The following GRM5 variants were observed in gnomAD, a reference collection of about 807,000 sequenced individuals.
The protein encoded by GRM5 is glutamate metabotropic receptor 5.
In GRM5, 19 loss-of-function variants were observed where a neutral mutation model predicts 83.1. The observed-to-expected ratio is 0.23, with a 90% CI of 0.16 to 0.34. GRM5 has a LOEUF of 0.34. Ranked by LOEUF, GRM5 falls within the 10% of genes least tolerant of loss-of-function variation. The pLI, the probability that GRM5 is intolerant of heterozygous loss-of-function variation, is 1.00. For synonymous variants in GRM5, 675 were observed against 633.6 expected (o/e 1.07, Z -0.98); for missense variants, 1,160 against 1,588.3 (o/e 0.73, Z 4.58).
intron 8 of GRM5, among the ~76,000 whole-genome samples, chr11:88,533,126 A>G (rs1377952017): frequency 1.3e-5 from 2 of 152,218 alleles, no homozygotes; most frequent in Non-Finnish European, 2.9e-5. Context: ...AAACGCTGTT[A>G]GTTACCCATT....
intron 1 of GRM5, among the ~76,000 whole-genome samples, chr11:89,052,207 CAG>C (rs761165533): frequency 3.3e-5 from 5 of 152,064 alleles, no homozygotes; most frequent in Admixed American, 6.5e-5. Context: ...AGGTTGGACT[CAG>C]GGGAGAGTTT....
chr11:88,802,486 C>CA (rs1234292296), intron 3 of GRM5, among the ~76,000 whole-genome samples: 1 of 46,362 alleles, frequency 2.2e-5, no homozygotes, highest in Admixed American at 2.9e-4. Flanking sequence ...AATTCAACAA[C>CA]CTTCATGCTA....
At chr11:88,930,168 G>C (rs922655614) in intron 2 of GRM5, among the ~76,000 whole-genome samples, 3 of 152,018 alleles carry the variant, frequency 2.0e-5, no homozygotes, top group African/African-American at 7.2e-5. Flanking sequence ...CAATGACTTG[G>C]GAGGCGGAAG....
In GRM5 at chr11:88,536,958, T is replaced by C. The variant is rs1942149663; in HGVS notation, c.2631-11554A>G. Among the ~76,000 whole-genome samples, 3 of 152,168 alleles carry C rather than the reference T, an allele frequency of 2.0e-5. No homozygotes were observed. The South Asian group carries it at 6.2e-4, about 32-fold the overall frequency. On this transcript the variant is annotated intron_variant, in intron 8 of 9. Coordinates refer to ENST00000305447, the MANE Select transcript of GRM5 (RefSeq NM_001143831.3). ...AAACTCAGGAATATAATTATCCCCA[T>C]TCAGCAGATAAGGAAACTGGCTCAG...
chr11:89,003,196 C>A (rs1046019093), intron 2 of GRM5, among the ~76,000 whole-genome samples: 4 of 152,134 alleles, frequency 2.6e-5, no homozygotes, highest in African/African-American at 9.7e-5. Context: ...GCTACACAAC[C>A]CTTGCTCTCA....
At chr11:88,538,904 T>G (rs1005477393) in intron 8 of GRM5, among the ~76,000 whole-genome samples, 5 of 152,272 alleles carry the variant, frequency 3.3e-5, no homozygotes, top group African/African-American at 1.2e-4. Flanking sequence ...AAATAGTAGC[T>G]GTGCCATTTG....
At chr11:88,674,915 G>A (rs1271175409) in intron 3 of GRM5, among the ~76,000 whole-genome samples, 1 of 151,852 alleles carries the variant, frequency 6.6e-6, no homozygotes, top group Admixed American at 6.6e-5. Flanking sequence ...GAGGAGGCAC[G>A]TAAGATCCTT....
At chr11:88,723,784 C>T (rs1941606237) in intron 3 of GRM5, among the ~76,000 whole-genome samples, 1 of 152,144 alleles carries the variant, frequency 6.6e-6, no homozygotes, top group South Asian at 2.1e-4. Context: ...GACCCTCTAA[C>T]CTCATGCTTA....
chr11:89,035,962 G>A (rs1215219237), intron 2 of GRM5, among the ~76,000 whole-genome samples: 1 of 151,980 alleles, frequency 6.6e-6, no homozygotes, highest in African/African-American at 2.4e-5. Flanking sequence ...AGGCACATAA[G>A]CATGTCCAAT....
intron 4 of GRM5, among the ~76,000 whole-genome samples, chr11:88,620,218 C>G (rs1411137162): frequency 3.9e-5 from 6 of 152,216 alleles, no homozygotes; most frequent in African/African-American, 7.2e-5. Context: ...TGAAGGCTAA[C>G]ATTTGTCATG....
At chr11:88,680,921 T>C (rs146039418) in intron 3 of GRM5, among the ~76,000 whole-genome samples, 51 of 152,280 alleles carry the variant, frequency 3.3e-4, no homozygotes, top group Admixed American at 1.9e-3. Flanking sequence ...CGTCAAATAC[T>C]ATGTGAGAAA....
intron 3 of GRM5, among the ~76,000 whole-genome samples, chr11:88,783,241 G>A (rs1943006484): frequency 1.3e-5 from 2 of 152,022 alleles, no homozygotes; most frequent in African/African-American, 4.8e-5. Flanking sequence ...CAACATAAAG[G>A]ACTTGTGTTC....
intron 7 of GRM5, among the ~76,000 whole-genome samples, chr11:88,577,111 T>G (rs1051498208): frequency 2.0e-5 from 3 of 152,098 alleles, no homozygotes; most frequent in Admixed American, 2.0e-4. Flanking sequence ...CCTTGATTTT[T>G]TTTTTCCTTT....
chr11:89,000,788 A>T (rs1449646819), intron 2 of GRM5, among the ~76,000 whole-genome samples: 1 of 152,116 alleles, frequency 6.6e-6, no homozygotes, highest in Non-Finnish European at 1.5e-5. Context: ...GACTGGGAGA[A>T]GATATTTGCA....
At chr11:88,739,201 T>C (rs1903844) in intron 3 of GRM5, among the ~76,000 whole-genome samples, 54,908 of 151,868 alleles carry the variant, frequency 0.36, 10,493 homozygotes, top group African/African-American at 0.47. Context: ...TGGCATATGG[T>C]AAACAAGACT....
At chr11:88,662,896 T>C (rs1160927486) in intron 3 of GRM5, among the ~76,000 whole-genome samples, 1 of 152,124 alleles carries the variant, frequency 6.6e-6, no homozygotes, top group Non-Finnish European at 1.5e-5. Context: ...CCAGAAAGCC[T>C]CCAAAAAGAA....
At chr11:88,685,422 A>G (rs1369529754) in intron 3 of GRM5, among the ~76,000 whole-genome samples, 2 of 152,244 alleles carry the variant, frequency 1.3e-5, no homozygotes, top group Non-Finnish European at 2.9e-5. Flanking sequence ...GTAAAGGTTC[A>G]GGAAATTTGC....
At chr11:88,840,747 G>A (rs1408901135) in intron 3 of GRM5, among the ~76,000 whole-genome samples, 5 of 152,144 alleles carry the variant, frequency 3.3e-5, no homozygotes, top group Non-Finnish European at 7.3e-5. Context: ...AGCCTTTATG[G>A]TCCTTATGAC....
chr11:88,812,412 A>G (rs1943603504), intron 3 of GRM5, among the ~76,000 whole-genome samples: 1 of 152,192 alleles, frequency 6.6e-6, no homozygotes, highest in South Asian at 2.1e-4. Flanking sequence ...TAACACATTT[A>G]TCATAGAGAT....
Sources: gnomAD v4.1 joint callset for allele counts (sites outside exome capture counted in the v4.1 genomes callset) on GRCh38, gnomAD v4.1.1 for gene constraint, MANE v1.5 for transcripts, NCBI Gene and HGNC (gene_info 2026-07-23, HGNC 2026-07-21) for gene names.